Variants in MANBA observed in about 807,000 individuals in gnomAD.
The protein encoded by MANBA is beta-mannosidase.
MANBA carries 83 observed loss-of-function variants against 111.1 expected under a neutral mutation model. The observed-to-expected ratio is 0.75, with a 90% CI of 0.63 to 0.90. The LOEUF is 0.90. MANBA is among the 40% of genes least tolerant of loss of function. The pLI, the probability that MANBA is intolerant of heterozygous loss-of-function variation, is 0.00. For missense variants in MANBA, 1,036 were observed against 1,069.0 expected (o/e 0.97, Z 0.43); for synonymous variants, 370 against 378.7 (o/e 0.98, Z 0.27).
At chr4:102,738,197 T>C (rs1723286553) in intron 1 of MANBA, among the ~76,000 whole-genome samples, 1 of 152,212 alleles carries the variant, frequency 6.6e-6, no homozygotes, top group Non-Finnish European at 1.5e-5. Context: ...CTAATTCCAC[T>C]GCCTAAAGAA....
chr4:102,657,460 G>A (rs1342847312), intron 12 of MANBA, among the ~76,000 whole-genome samples: 1 of 152,090 alleles, frequency 6.6e-6, no homozygotes, highest in Non-Finnish European at 1.5e-5. Flanking sequence ...AGCAACCACT[G>A]GGTCCCATTC....
chr4:102,733,219 A>C (rs1428463328), intron 1 of MANBA, among the ~76,000 whole-genome samples: 4 of 152,322 alleles, frequency 2.6e-5, no homozygotes, highest in Admixed American at 6.5e-5. Flanking sequence ...GATCAAACCA[A>C]AACAGTCACT....
At chr4:102,748,350 T>C (rs1723661117) in intron 1 of MANBA, among the ~76,000 whole-genome samples, 1 of 152,188 alleles carries the variant, frequency 6.6e-6, no homozygotes, top group African/African-American at 2.4e-5. Context: ...TCAAAAATGA[T>C]AGCTATCTTT....
Position 102,651,690 on chromosome 4 carries a change from T to C in MANBA, c.1705-989A>G, listed in dbSNP as rs192659808. Reference sequence around the variant, plus strand: ...AGTAATCAAGCAACACATGGGCCCATTACCTTAAAAGGAAAAGGTTATCCT... The same window carrying C: ...AGTAATCAAGCAACACATGGGCCCACTACCTTAAAAGGAAAAGGTTATCCT... On this transcript the variant is annotated intron_variant, in intron 12 of 16. Coordinates refer to ENST00000647097, the MANE Select transcript of MANBA (RefSeq NM_005908.4). Among the ~76,000 whole-genome samples the C allele has an allele frequency of 3.5e-3, 539 of 152,078 alleles. 2 individuals carry two copies. Among genetic ancestry groups the C allele is most frequent in the Middle Eastern group, 0.014 (4 of 294 alleles).
At chr4:102,715,541 T>C (rs1426310096) in intron 4 of MANBA, among the ~76,000 whole-genome samples, 1 of 152,192 alleles carries the variant, frequency 6.6e-6, no homozygotes, top group Non-Finnish European at 1.5e-5. Flanking sequence ...AGGTTTGTTA[T>C]ATAGGTAAAC....
intron 11 of MANBA, among the ~76,000 whole-genome samples, 175 bp downstream of exon 11, chr4:102,664,510 A>G (rs995131959): frequency 2.0e-5 from 3 of 151,970 alleles, no homozygotes; most frequent in African/African-American, 4.8e-5. Flanking sequence ...CACCGCGCCC[A>G]GCTAATTTTT....
intron 4 of MANBA, among the ~76,000 whole-genome samples, chr4:102,715,130 T>C (rs1384037478): frequency 6.6e-6 from 1 of 152,090 alleles, no homozygotes; most frequent in Non-Finnish European, 1.5e-5. Flanking sequence ...CACCAGCATA[T>C]AGCAAAAATG....
intron 4 of MANBA, among the ~76,000 whole-genome samples, chr4:102,715,029 A>C (rs997158336): frequency 6.6e-6 from 1 of 152,164 alleles, no homozygotes; most frequent in Non-Finnish European, 1.5e-5. Flanking sequence ...GTTAGTGCAA[A>C]ACTGTGTGTG....
intron 1 of MANBA, chr4:102,728,557 A>C (rs902153434): frequency 1.3e-5 from 5 of 394,086 alleles, no homozygotes; most frequent in Non-Finnish European, 1.9e-5. Context: ...TTTGGACCAA[A>C]AAAAAAAAGC....
intron 1 of MANBA, chr4:102,729,589 G>A: frequency 1.1e-6 from 1 of 913,176 alleles, no homozygotes; most frequent in Non-Finnish European, 1.8e-6. Flanking sequence ...CTCTTGATGA[G>A]GACAAATTCA....
At chr4:102,699,364 A>G (rs975774672) in intron 5 of MANBA, among the ~76,000 whole-genome samples, 4 of 151,550 alleles carry the variant, frequency 2.6e-5, no homozygotes, top group Admixed American at 6.6e-5. Flanking sequence ...TCTCCTGCCT[A>G]ATTGCCCTGG....
Position 102,760,760 on chromosome 4 carries a change from A to C in MANBA, c.135T>G (p.Pro45=), listed in dbSNP as rs1256466080. 1 of 1,549,740 alleles carries C rather than the reference A, an allele frequency of 6.5e-7. No individual in the cohort carries two copies. Among genetic ancestry groups the C allele is most frequent in the African/African-American group, 1.4e-5 (1 of 73,232 alleles). Residue 45 remains proline, a synonymous_variant, in exon 1 of 17, where the codon CCT becomes CCG. Transcript: ENST00000647097. ...GGAACAAGGCGCTGTGCACGCAGCC[A>C]GGGACCGCCCCGGGCAGCTCCAGCG... ...NGSLELPGAV[P]GCVHSALFQQ... is the part of the protein sequence containing the mutation.
At chr4:102,754,870 G>A (rs1374048717) in intron 1 of MANBA, among the ~76,000 whole-genome samples, 1 of 152,096 alleles carries the variant, frequency 6.6e-6, no homozygotes, top group Non-Finnish European at 1.5e-5. Flanking sequence ...TTGTTAAGCT[G>A]TATATTTAAT....
chr4:102,729,441 C>T, intron 1 of MANBA: 1 of 1,271,228 alleles, frequency 7.9e-7, no homozygotes, highest in South Asian at 1.3e-5. Context: ...TGGGCAGCAC[C>T]ACAGATGTGT....
intron 7 of MANBA, among the ~76,000 whole-genome samples, chr4:102,676,140 A>T (rs775378054): frequency 7.2e-5 from 11 of 152,224 alleles, no homozygotes; most frequent in Non-Finnish European, 1.6e-4. Flanking sequence ...TGAAATTATG[A>T]TGAAAGCCAC....
intron 1 of MANBA, among the ~76,000 whole-genome samples, chr4:102,753,462 G>A (rs1723884247): frequency 1.3e-5 from 2 of 152,082 alleles, no homozygotes; most frequent in Non-Finnish European, 2.9e-5. Context: ...ATCAGTATAT[G>A]CGAATTTAGT....
At chr4:102,714,037 G>A (rs189603574) in intron 5 of MANBA, among the ~76,000 whole-genome samples, 108 of 152,198 alleles carry the variant, frequency 7.1e-4, no homozygotes, top group African/African-American at 2.4e-3. Flanking sequence ...GGGTTATGAA[G>A]AAAATGTACA....
chr4:102,668,858 TG>T, intron 10 of MANBA, 104 bp downstream of exon 10: 1 of 878,398 alleles, frequency 1.1e-6, no homozygotes, highest in Non-Finnish European at 1.9e-6. Flanking sequence ...TAATTTTTCA[TG>T]GGATTTAGTA....
intron 7 of MANBA, among the ~76,000 whole-genome samples, chr4:102,678,662 TC>T (rs779893805): frequency 6.6e-6 from 1 of 152,254 alleles, no homozygotes; most frequent in South Asian, 2.1e-4. Flanking sequence ...AAGTTTCTAT[TC>T]CTCACTAGAT....
Sources: allele counts gnomAD v4.1 joint callset (sites outside exome capture counted in the v4.1 genomes callset), GRCh38; gene constraint gnomAD v4.1.1; transcripts MANE v1.5; gene names NCBI Gene and HGNC (gene_info 2026-07-23, HGNC 2026-07-21).